The following LINGO2 variants were observed in gnomAD, a reference collection of about 807,000 sequenced individuals.
LINGO2 encodes the protein leucine-rich repeat and immunoglobulin-like domain-containing nogo receptor-interacting protein 2.
A neutral mutation model predicts 30.6 loss-of-function variants in LINGO2; 14 were observed. That is an observed-to-expected ratio of 0.46 (90% confidence interval 0.30 to 0.72). The LOEUF is 0.72. LINGO2 is among the 30% of genes least tolerant of loss of function. The probability of loss-of-function intolerance (pLI) is 0.07; values close to 1 mark genes in which losing one functional copy is unlikely to be tolerated. For synonymous variants in LINGO2, 317 were observed against 288.5 expected (o/e 1.10, Z -1.00); for missense variants, 729 against 751.7 (o/e 0.97, Z 0.35).
chr9:28,742,703 A>G, the LINGO2 span, among the ~76,000 whole-genome samples: 282 of 152,046 alleles, frequency 1.9e-3, 8 homozygotes, highest in Admixed American at 0.016. Flanking sequence ...GAACTACTAG[A>G]TATTTATATG....
intron 2 of LINGO2, among the ~76,000 whole-genome samples, chr9:28,377,790 G>T (rs76474858): frequency 6.6e-6 from 1 of 151,994 alleles, no homozygotes; most frequent in Non-Finnish European, 1.5e-5. Context: ...GATTAGTTAC[G>T]GAACAAGGGC....
At chr9:28,298,991 C>A (rs1327949618) in intron 3 of LINGO2, among the ~76,000 whole-genome samples, 1 of 152,214 alleles carries the variant, frequency 6.6e-6, no homozygotes, top group East Asian at 1.9e-4. Flanking sequence ...TTATGCACAA[C>A]ACTACTACCC....
the LINGO2 span, among the ~76,000 whole-genome samples, chr9:29,085,812 C>G: frequency 2.0e-5 from 3 of 152,108 alleles, no homozygotes; most frequent in South Asian, 2.1e-4. Context: ...TACTTATCAA[C>G]AAGGAAATTG....
chr9:28,226,152 A>G (rs537532885), intron 4 of LINGO2, among the ~76,000 whole-genome samples: 11 of 152,328 alleles, frequency 7.2e-5, no homozygotes, highest in African/African-American at 2.6e-4. Flanking sequence ...ATCTCATTGG[A>G]GATTTAAAAA....
At chr9:28,920,168 C>T in the LINGO2 span, among the ~76,000 whole-genome samples, 1 of 152,076 alleles carries the variant, frequency 6.6e-6, no homozygotes. Flanking sequence ...TAAGTCACCT[C>T]TACACAGGTG....
At chr9:28,019,299 T>A in intron 4 of LINGO2, among the ~76,000 whole-genome samples, 1 of 131,288 alleles carries the variant, frequency 7.6e-6, no homozygotes. Flanking sequence ...TTTCCAACTA[T>A]GGCACCTAGG....
intron 5 of LINGO2, among the ~76,000 whole-genome samples, chr9:27,972,096 T>C (rs1006240591): frequency 3.3e-5 from 5 of 151,978 alleles, no homozygotes; most frequent in African/African-American, 1.2e-4. Flanking sequence ...AAAGGACTTA[T>C]AAAAAGGAAT....
chr9:28,307,143 T>A (rs570842554), intron 3 of LINGO2, among the ~76,000 whole-genome samples: 1 of 151,896 alleles, frequency 6.6e-6, no homozygotes, highest in African/African-American at 2.4e-5. Flanking sequence ...GAATTTTAGA[T>A]CAATATCCCT....
intron 2 of LINGO2, among the ~76,000 whole-genome samples, chr9:28,375,710 G>A (rs901999484): frequency 1.3e-5 from 2 of 152,166 alleles, no homozygotes; most frequent in South Asian, 4.1e-4. Flanking sequence ...GTCTAGGAAC[G>A]AAGGGGAAAA....
At chr9:28,955,608 G>A in the LINGO2 span, among the ~76,000 whole-genome samples, 1 of 152,058 alleles carries the variant, frequency 6.6e-6, no homozygotes, top group African/African-American at 2.4e-5. Context: ...TAATTACCAG[G>A]CTGGGTGAGA....
the LINGO2 span, among the ~76,000 whole-genome samples, chr9:28,831,071 T>C: frequency 6.6e-6 from 1 of 152,210 alleles, no homozygotes; most frequent in African/African-American, 2.4e-5. Context: ...TCTTTTGGTA[T>C]GTAAGGGATT....
At chr9:28,393,773 C>T (rs1474411892) in intron 2 of LINGO2, among the ~76,000 whole-genome samples, 3 of 152,130 alleles carry the variant, frequency 2.0e-5, no homozygotes, top group Non-Finnish European at 4.4e-5. Context: ...GTTTGGTCTG[C>T]CCCAGTATAG....
At chr9:28,412,428 A>G (rs1419229459) in intron 2 of LINGO2, among the ~76,000 whole-genome samples, 1 of 152,076 alleles carries the variant, frequency 6.6e-6, no homozygotes, top group Non-Finnish European at 1.5e-5. Context: ...AATTAGGCAA[A>G]AACATAAAAT....
At chr9:29,029,199 G>T in the LINGO2 span, among the ~76,000 whole-genome samples, 273 of 152,068 alleles carry the variant, frequency 1.8e-3, 2 homozygotes, top group African/African-American at 6.2e-3. Context: ...TGTGGTGCAG[G>T]GATTAAGGTT....
At chr9:28,141,743 C>A (rs1049293272) in intron 4 of LINGO2, among the ~76,000 whole-genome samples, 1 of 151,992 alleles carries the variant, frequency 6.6e-6, no homozygotes, top group East Asian at 1.9e-4. Flanking sequence ...CATGAAACAC[C>A]GTCTCTAGTG....
At chr9:29,034,644 C>T in the LINGO2 span, among the ~76,000 whole-genome samples, 12 of 152,134 alleles carry the variant, frequency 7.9e-5, no homozygotes, top group South Asian at 2.1e-4. Context: ...TGAACACAAG[C>T]GCATTTATCA....
the LINGO2 span, among the ~76,000 whole-genome samples, chr9:28,712,848 T>C: frequency 2.0e-5 from 3 of 152,116 alleles, no homozygotes; most frequent in Admixed American, 2.0e-4. Context: ...ACTCAATTCC[T>C]AATTTTTTTT....
At chr9:29,141,878 T>C in the LINGO2 span, among the ~76,000 whole-genome samples, 2 of 151,888 alleles carry the variant, frequency 1.3e-5, no homozygotes, top group Non-Finnish European at 2.9e-5. Flanking sequence ...TAAATGTATA[T>C]GCACTCACTA....
chr9:28,604,633 C>A (rs1270919444), intron 1 of LINGO2, among the ~76,000 whole-genome samples: 2 of 151,928 alleles, frequency 1.3e-5, no homozygotes, highest in African/African-American at 4.8e-5. Flanking sequence ...CTGAAATTTA[C>A]TATTGTTAAC....
Sources: allele counts gnomAD v4.1 joint callset (sites outside exome capture counted in the v4.1 genomes callset), GRCh38; gene constraint gnomAD v4.1.1; transcripts MANE v1.5; gene names NCBI Gene and HGNC (gene_info 2026-07-23, HGNC 2026-07-21).